PTPRM: variants seen among roughly 807,000 people sequenced by gnomAD.
PTPRM encodes the protein receptor-type tyrosine-protein phosphatase mu.
PTPRM carries 47 observed loss-of-function variants against 186.7 expected under a neutral mutation model. That is an observed-to-expected ratio of 0.25 (90% CI 0.20 to 0.32). PTPRM has a LOEUF of 0.32. PTPRM is among the 10% of genes least tolerant of loss of function. The pLI, the probability that PTPRM is intolerant of heterozygous loss-of-function variation, is 1.00. For missense variants in PTPRM, 1,494 were observed against 1,865.0 expected (o/e 0.80, Z 3.66); for synonymous variants, 668 against 674.9 (o/e 0.99, Z 0.16).
intron 1 of PTPRM, among the ~76,000 whole-genome samples, chr18:7,599,351 A>G: frequency 6.6e-6 from 1 of 152,214 alleles, no homozygotes; most frequent in East Asian, 1.9e-4. Context: ...CTGAACCGCT[A>G]AAGTTAGCAT....
At chr18:8,202,321 A>G (rs762774598) in intron 14 of PTPRM, among the ~76,000 whole-genome samples, 1 of 152,182 alleles carries the variant, frequency 6.6e-6, no homozygotes, top group African/African-American at 2.4e-5. Flanking sequence ...ATACAAACCT[A>G]TTTTACAGTA....
intron 14 of PTPRM, among the ~76,000 whole-genome samples, chr18:8,232,944 G>A (rs1025017652): frequency 2.0e-5 from 3 of 152,036 alleles, no homozygotes; most frequent in East Asian, 1.9e-4. Context: ...ATTGTCAGTC[G>A]GCCATTTGGT....
At chr18:8,300,792 G>C (rs1269192237) in intron 20 of PTPRM, among the ~76,000 whole-genome samples, 1 of 152,168 alleles carries the variant, frequency 6.6e-6, no homozygotes, top group Admixed American at 6.5e-5. Flanking sequence ...TCTAGGGACA[G>C]TGTCAAAAAG....
chr18:8,214,249 T>C (rs2094048217), intron 14 of PTPRM, among the ~76,000 whole-genome samples: 1 of 151,502 alleles, frequency 6.6e-6, no homozygotes, highest in African/African-American at 2.4e-5. Context: ...AAAGCTATTA[T>C]AAAAACTTGT....
intron 14 of PTPRM, among the ~76,000 whole-genome samples, chr18:8,209,989 T>TAAAAAAAA (rs67547673): frequency 7.6e-5 from 6 of 78,702 alleles, no homozygotes; most frequent in South Asian, 6.2e-4. Context: ...GAAGTAAAAT[T>TAAAAAAAA]AAAAAAAAAA....
intron 2 of PTPRM, among the ~76,000 whole-genome samples, chr18:7,860,220 G>A (rs1039916804): frequency 6.6e-6 from 1 of 151,812 alleles, no homozygotes; most frequent in Non-Finnish European, 1.5e-5. Flanking sequence ...TTACAGTTGT[G>A]TGCCACCAAA....
In PTPRM at chr18:8,207,878, T is replaced by TA. The variant is rs548056255; in HGVS notation, c.2301-36174dup. ...CTGGACCAGCAATGAGGTTGCTGAATAAAAAAGTGTATGTTTGTGTGTGTT... is the reference window on the plus strand; with the variant it reads ...CTGGACCAGCAATGAGGTTGCTGAATAAAAAAAGTGTATGTTTGTGTGTGTT... On this transcript the variant is annotated intron_variant, in intron 14 of 32. Coordinates refer to ENST00000580170, the MANE Select transcript of PTPRM (RefSeq NM_001105244.2). Among the ~76,000 whole-genome samples, 84 of 152,340 alleles carry TA rather than the reference T, an allele frequency of 5.5e-4. No homozygotes were observed. In the South Asian group the frequency reaches 0.012, roughly 21 times the overall value.
At chr18:7,582,255 C>T (rs2036864982) in intron 1 of PTPRM, among the ~76,000 whole-genome samples, 1 of 152,172 alleles carries the variant, frequency 6.6e-6, no homozygotes, top group African/African-American at 2.4e-5. Flanking sequence ...GCTCGGTATA[C>T]TTTGTGTATA....
intron 7 of PTPRM, among the ~76,000 whole-genome samples, chr18:7,967,185 AG>A (rs1351003333): frequency 2.7e-5 from 1 of 36,414 alleles, no homozygotes; most frequent in Non-Finnish European, 7.3e-5. Context: ...GGCACCCCCC[AG>A]CAGGGGCACA....
intron 14 of PTPRM, among the ~76,000 whole-genome samples, chr18:8,214,469 G>A (rs933150158): frequency 5.9e-5 from 9 of 152,118 alleles, no homozygotes; most frequent in South Asian, 2.1e-4. Context: ...AGTTATTACC[G>A]ATGATGGCAA....
Position 7,795,106 on chromosome 18 carries a change from C to T in PTPRM, c.196+20835C>T, listed in dbSNP as rs148166044. On this transcript the variant is annotated intron_variant, in intron 2 of 32. Transcript: ENST00000580170. The stretch of plus-strand genomic sequence containing the variant: ...ACCAGATGTACTAAGAGCTGATTCA[C>T]GGGCTTCACTCAGGCGTTTGGCTGC... Among the ~76,000 whole-genome samples the T allele has an allele frequency of 2.1e-3, 327 of 152,340 alleles. 2 individuals carry two copies. Among genetic ancestry groups the T allele is most frequent in the African/African-American group, 7.3e-3 (302 of 41,566 alleles).
chr18:7,951,738 AT>A (rs1297454288), intron 6 of PTPRM, among the ~76,000 whole-genome samples: 8 of 152,140 alleles, frequency 5.3e-5, no homozygotes, highest in East Asian at 1.9e-4. Context: ...ATATAGATAT[AT>A]TTTTTAATGA....
At chr18:8,373,989 T>C (rs1302076981) in intron 24 of PTPRM, among the ~76,000 whole-genome samples, 5 of 152,274 alleles carry the variant, frequency 3.3e-5, no homozygotes, top group Non-Finnish European at 7.4e-5. Flanking sequence ...TGGGAGGTAT[T>C]TGGGCTGTGA....
rs374419871 is a variant in PTPRM at position 7,653,588 on chromosome 18, T to C, written c.73+85697T>C. Among the ~76,000 whole-genome samples the C allele has an allele frequency of 1.3e-3, 202 of 152,278 alleles. 4 individuals are homozygous for C. The South Asian group carries it at 0.041, about 31-fold the overall frequency. On this transcript the variant is annotated intron_variant, in intron 1 of 32. Coordinates refer to ENST00000580170, the MANE Select transcript of PTPRM (RefSeq NM_001105244.2). ...CATGTTTTACTTGGTTTTCTGTTCC[T>C]GTGTAGTTTGCTAAGGATAATGGTC...
intron 2 of PTPRM, among the ~76,000 whole-genome samples, chr18:7,865,156 G>C (rs184614419): frequency 0.015 from 2,231 of 152,228 alleles, 31 homozygotes; most frequent in Non-Finnish European, 0.021. Context: ...GAGACAATTT[G>C]ACTTCCTCTT....
intron 9 of PTPRM, among the ~76,000 whole-genome samples, chr18:8,084,820 A>G (rs944979488): frequency 2.6e-5 from 4 of 152,170 alleles, no homozygotes; most frequent in Non-Finnish European, 5.9e-5. Context: ...TCATAGTGAA[A>G]TTCTTTAAAA....
chr18:8,333,427 C>T (rs2095422276), intron 22 of PTPRM, among the ~76,000 whole-genome samples: 1 of 152,132 alleles, frequency 6.6e-6, no homozygotes, highest in African/African-American at 2.4e-5. Context: ...GTTTACATCT[C>T]ACTACTGTAA....
chr18:8,350,346 A>G (rs1356716944), intron 23 of PTPRM, among the ~76,000 whole-genome samples: 1 of 152,172 alleles, frequency 6.6e-6, no homozygotes, highest in Non-Finnish European at 1.5e-5. Flanking sequence ...CCTATTGCAC[A>G]TGTGCTCAGC....
intron 7 of PTPRM, among the ~76,000 whole-genome samples, chr18:8,006,387 T>G (rs1367627468): frequency 6.6e-6 from 1 of 152,176 alleles, no homozygotes; most frequent in Non-Finnish European, 1.5e-5. Context: ...CCTGTTCGCA[T>G]AATAAATGTT....
Sources: allele counts gnomAD v4.1 joint callset (sites outside exome capture counted in the v4.1 genomes callset), GRCh38; gene constraint gnomAD v4.1.1; transcripts MANE v1.5; gene names NCBI Gene and HGNC (gene_info 2026-07-23, HGNC 2026-07-21).